Variants in MAPKBP1 observed in about 807,000 individuals in gnomAD.
MAPKBP1 encodes mitogen-activated protein kinase binding protein 1.
Under a neutral mutation model 170.5 loss-of-function variants are expected in MAPKBP1, and 71 were observed. The observed-to-expected ratio is 0.42, with a 90% CI of 0.34 to 0.51. The LOEUF (loss-of-function observed/expected upper bound fraction) is 0.51. MAPKBP1 is among the 20% of genes least tolerant of loss of function. The pLI is 0.06. For synonymous variants in MAPKBP1, 719 were observed against 757.9 expected, an observed-to-expected ratio of 0.95 and a Z score of 0.84; for missense variants, 1,598 against 1,933.0, an observed-to-expected ratio of 0.83 and a Z score of 3.25.
Position 41,817,348 on chromosome 15 carries a change from G to A in MAPKBP1, c.1712-40G>A, listed in dbSNP as rs948887556. On this transcript the variant is annotated intron_variant, in intron 14 of 30. Transcript: ENST00000457542. The surrounding 1 kb of genome is among the most constrained non-coding windows in gnomAD (Gnocchi z 4.2). ...GTGGGAGGCAGGCTGCTCCCATGTG[G>A]TGAGAACAGTGGGAACAGCTGGGCT... The A allele has an allele frequency of 4.4e-6, 7 of 1,596,386 alleles. No individual in the cohort carries two copies. The African/African-American group carries it at 5.4e-5, about 12-fold the overall frequency.
At chr15:41,803,434 A>AAAAAAAAAAAAAAAG (rs58804270) in intron 3 of MAPKBP1, among the ~76,000 whole-genome samples, 1,279 of 90,674 alleles carry the variant, frequency 0.014, 348 homozygotes, top group East Asian at 0.059. Flanking sequence ...AAAAAAAAAA[A>AAAAAAAAAAAAAAAG]AGGTTAAGCA....
chr15:41,821,369 C>G (rs556505411), intron 23 of MAPKBP1: 1 of 610,124 alleles, frequency 1.6e-6, no homozygotes, highest in African/African-American at 1.8e-5. Context: ...TAATATAGTT[C>G]ATCCAGAAGC....
At position 41,774,568 on chromosome 15, in the gene MAPKBP1, C is replaced by A. The variant is rs2064062464; in HGVS notation, c.-152C>A. 1 of 398,598 alleles carries A rather than the reference C, an allele frequency of 2.5e-6. No homozygotes were observed. Among genetic ancestry groups the A allele is most frequent in the Non-Finnish European group, 4.4e-6 (1 of 226,128 alleles). The allele number at this position is 398,598 out of a possible 1,614,324, so 24.7% of individuals were successfully genotyped here. A position where few individuals can be genotyped will look rare whatever the true frequency, so the allele number is the denominator to read the frequency against. On this transcript the variant is annotated 5_prime_UTR_variant, in exon 1 of 31. Transcript: ENST00000457542. Reference sequence around the variant, plus strand: ...GAGCTGAAATTGCCGAACGCGATGCCCGAGGGCGCTGTGAGCGGGGTGGCC... The same window carrying A: ...GAGCTGAAATTGCCGAACGCGATGCACGAGGGCGCTGTGAGCGGGGTGGCC...
Position 41,815,253 on chromosome 15 carries a change from C to T in MAPKBP1, c.1171-6C>T. On this transcript the variant is annotated splice_polypyrimidine_tract_variant and splice_region_variant and intron_variant, in intron 10 of 30. Coordinates refer to ENST00000457542, the MANE Select transcript of MAPKBP1 (RefSeq NM_014994.3). ...AGGTCTGATTGTGTTCCCTCGGCCT[C>T]TTCAGGTCTACCCCGAGGTGAAGGA... The T allele has an allele frequency of 2.5e-6, 4 of 1,614,194 alleles. No individual in the cohort carries two copies. Among genetic ancestry groups the T allele is most frequent in the Non-Finnish European group, 3.4e-6 (4 of 1,180,034 alleles).
chr15:41,819,100 C>G lies in MAPKBP1; in HGVS notation c.2291+143C>G, dbSNP rs890498. Reference sequence around the variant, plus strand: ...CCTCTCACACAAGGATCCATGATGTCAGCCTCTTCCCCCTGTTGAGTCTCC... The same window carrying G: ...CCTCTCACACAAGGATCCATGATGTGAGCCTCTTCCCCCTGTTGAGTCTCC... On this transcript the variant is annotated intron_variant, in intron 20 of 30. Transcript: ENST00000457542. 0.32 allele frequency: 462,634 copies of G among 1,438,722 alleles called. 77,949 individuals are homozygous for G. Among genetic ancestry groups the G allele is most frequent in the Admixed American group, 0.38 (20,033 of 52,142 alleles). The allele number at this position is 1,438,722 out of a possible 1,614,324, so 89.1% of individuals were successfully genotyped here.
rs1205416391 is a variant in MAPKBP1, at chr15:41,812,527, G to A, written c.510G>A (p.Val170=). Residue 170 remains valine, a synonymous_variant, in exon 7 of 31, where the codon GTG becomes GTA. Coordinates refer to ENST00000457542, the MANE Select transcript of MAPKBP1 (RefSeq NM_014994.3). ...GGCATCCCCTCCAGAAAAACATTGTGGTGGCCTCCAACAAGGTGTCCAGTC... is the reference window on the plus strand; with the variant it reads ...GGCATCCCCTCCAGAAAAACATTGTAGTGGCCTCCAACAAGGTGTCCAGTC... ...VNVWAWKKNI[V]VASNKVSSRV... 2 of 1,614,078 alleles carry A rather than the reference G, an allele frequency of 1.2e-6. No homozygotes were observed. Among genetic ancestry groups the A allele is most frequent in the African/African-American group, 1.3e-5 (1 of 74,930 alleles).
In MAPKBP1 at chr15:41,822,821, C is replaced by T. The variant is rs34055060; in HGVS notation, c.3315-118C>T. The T allele has an allele frequency of 0.42, 612,935 of 1,456,732 alleles. 135,755 individuals are homozygous for T. The highest frequency in any genetic ancestry group is 0.53 in the Middle Eastern group (2,886 of 5,402). The allele number at this position is 1,456,732 out of a possible 1,614,324, so 90.2% of individuals were successfully genotyped here. A position where few individuals can be genotyped will look rare whatever the true frequency, so the allele number is the denominator to read the frequency against. The stretch of plus-strand genomic sequence containing the variant: ...TTGGGCTAACTGGCCTTTCCCCAGC[C>T]CTATCTGGCTTTGTGCTTGTTCTCT... On this transcript the variant is annotated intron_variant, in intron 27 of 30. Coordinates refer to ENST00000457542, the MANE Select transcript of MAPKBP1 (RefSeq NM_014994.3).
intron 23 of MAPKBP1, 62 bp from the exon 24 acceptor site, chr15:41,821,522 C>A (rs894809491): frequency 1.6e-5 from 23 of 1,435,830 alleles, no homozygotes; most frequent in Non-Finnish European, 2.0e-5. Context: ...GGGCTTACCC[C>A]CCAGCTACCA....
In MAPKBP1 at chr15:41,823,640, G is replaced by C; in HGVS notation, c.3792G>C (p.Leu1264=). ...RSISVGENLG[L]VAEPQAHAPI... Reference sequence around the variant, plus strand: ...TCTCTGTTGGGGAGAACCTGGGCCTGGTGGCTGAACCTCAAGCTCATGCCC... The same window carrying C: ...TCTCTGTTGGGGAGAACCTGGGCCTCGTGGCTGAACCTCAAGCTCATGCCC... Residue 1264 remains leucine (L), a synonymous_variant, in exon 29 of 31, where the codon CTG becomes CTC. Coordinates refer to ENST00000457542, the MANE Select transcript of MAPKBP1 (RefSeq NM_014994.3). 6.2e-7 allele frequency: 1 copy of C among 1,614,152 alleles called. No individual in the cohort carries two copies. Among genetic ancestry groups the C allele is most frequent in the East Asian group, 2.2e-5 (1 of 44,884 alleles).
rs1441375314 is a variant in MAPKBP1 at position 41,815,268 on chromosome 15, G to A, written c.1180G>A (p.Glu394Lys). ...CCCTCGGCCTCTTCAGGTCTACCCC[G>A]AGGTGAAGGATAGTAACCAGGCCTG... Reference protein sequence around the residue: ...SCVWSVEVYPEVKDSNQACLP... With the variant: ...SCVWSVEVYPKVKDSNQACLP... The change falls in exon 11 of 31, where the codon GAG (glutamate) becomes AAG (lysine). Residue 394 changes from glutamate (E) to lysine (K), a missense_variant. Transcript: ENST00000457542. 3.1e-6 allele frequency: 5 copies of A among 1,614,162 alleles called. No homozygotes were observed. The highest frequency in any genetic ancestry group is 3.4e-6 in the Non-Finnish European group (4 of 1,180,052).
At chr15:41,803,413 C>CAAAAAAAAAAAA (rs1166671811) in intron 3 of MAPKBP1, among the ~76,000 whole-genome samples, 1 of 11,272 alleles carries the variant, frequency 8.9e-5, no homozygotes, top group Non-Finnish European at 1.8e-4. Context: ...GACTCCATCT[C>CAAAAAAAAAAAA]AAAAAAAAAA....
chr15:41,819,773 G>A (rs1225807082), intron 22 of MAPKBP1, 123 bp downstream of exon 22: 14 of 1,025,472 alleles, frequency 1.4e-5, no homozygotes, highest in Non-Finnish European at 2.0e-5. Flanking sequence ...CTGCACTCGT[G>A]TGTCCAAGGA....
chr15:41,818,667 C>A lies in MAPKBP1; in HGVS notation c.2156+85C>A. The A allele has an allele frequency of 6.6e-7, 1 of 1,507,836 alleles. No individual in the cohort carries two copies. Among genetic ancestry groups the A allele is most frequent in the South Asian group, 1.2e-5 (1 of 81,652 alleles). 93.4% of individuals were successfully genotyped at this position (1,507,836 alleles called of 1,614,324 possible). A position where few individuals can be genotyped will look rare whatever the true frequency, so the allele number is the denominator to read the frequency against. On this transcript the variant is annotated intron_variant, in intron 19 of 30. Transcript: ENST00000457542. This position sits in a 1 kb window ranked among gnomAD's most constrained non-coding sequence, Gnocchi z 5.2. Reference sequence around the variant, plus strand: ...TCCCCTCTCTCCATTTCAGTGATGTCTCTGGGAAGTGGGGTTAACAGGGAT... The same window carrying A: ...TCCCCTCTCTCCATTTCAGTGATGTATCTGGGAAGTGGGGTTAACAGGGAT...
chr15:41,783,333 A>T (rs2064222946), intron 2 of MAPKBP1, among the ~76,000 whole-genome samples: 1 of 152,130 alleles, frequency 6.6e-6, no homozygotes, highest in Non-Finnish European at 1.5e-5. Flanking sequence ...GCTGGTGGAA[A>T]TACCTCTTCC....
At chr15:41,786,774 AAAAATATATATATATAT>A (rs2064300733) in intron 2 of MAPKBP1, among the ~76,000 whole-genome samples, 1 of 92,388 alleles carries the variant, frequency 1.1e-5, no homozygotes, top group African/African-American at 4.0e-5. Flanking sequence ...AAAAAAAAAA[AAAAATATATATATATAT>A]ATATATATAT....
chr15:41,804,928 G>A (rs1365464543), intron 3 of MAPKBP1, among the ~76,000 whole-genome samples: 7 of 152,208 alleles, frequency 4.6e-5, no homozygotes, highest in African/African-American at 1.7e-4. Context: ...GGGGCCACCA[G>A]ATTCTGTGTG....
intron 2 of MAPKBP1, among the ~76,000 whole-genome samples, chr15:41,779,367 C>G (rs1567131560): frequency 6.6e-6 from 1 of 152,102 alleles, no homozygotes; most frequent in African/African-American, 2.4e-5. Context: ...CGTGCCACCA[C>G]GCCGGGCTAA....
chr15:41,775,499 T>C (rs1596056130), intron 2 of MAPKBP1, 110 bp downstream of exon 2: 4 of 797,284 alleles, frequency 5.0e-6, no homozygotes, highest in Non-Finnish European at 8.4e-6. Context: ...TTGTTGACTC[T>C]AAAGGATCAC....
At chr15:41,781,971 G>A (rs367620922) in intron 2 of MAPKBP1, among the ~76,000 whole-genome samples, 3 of 151,764 alleles carry the variant, frequency 2.0e-5, no homozygotes, top group African/African-American at 7.3e-5. Context: ...AATACAGGCC[G>A]GGCGCAGTGG....
Sources: allele counts gnomAD v4.1 joint callset (sites outside exome capture counted in the v4.1 genomes callset), GRCh38; gene constraint gnomAD v4.1.1; non-coding constraint Gnocchi (gnomAD v3.1); transcripts MANE v1.5; gene names NCBI Gene and HGNC (gene_info 2026-07-23, HGNC 2026-07-21).